The following SPOCK3 variants were observed in gnomAD, a reference collection of about 807,000 sequenced individuals.
The protein encoded by SPOCK3 is testican-3.
In SPOCK3, 30 loss-of-function variants were observed where a neutral mutation model predicts 56.6. That is an observed-to-expected ratio of 0.53 (90% CI 0.40 to 0.72). The LOEUF is 0.72. Ranked by LOEUF, SPOCK3 falls within the 30% of genes least tolerant of loss-of-function variation. The pLI is 0.00. For synonymous variants in SPOCK3, 196 were observed against 183.3 expected (o/e 1.07, Z -0.56); for missense variants, 527 against 530.0 (o/e 0.99, Z 0.06).
At chr4:167,053,479 G>C (rs765807829) in intron 3 of SPOCK3, among the ~76,000 whole-genome samples, 27 of 152,048 alleles carry the variant, frequency 1.8e-4, no homozygotes, top group Non-Finnish European at 3.5e-4. Flanking sequence ...GAGTTCAAGA[G>C]TTCGAGACCA....
At chr4:166,941,383 G>T (rs544312504) in intron 4 of SPOCK3, among the ~76,000 whole-genome samples, 2 of 152,198 alleles carry the variant, frequency 1.3e-5, no homozygotes, top group Non-Finnish European at 2.9e-5. Context: ...CATTAGAAGA[G>T]AGTTTATCTC....
chr4:167,170,549 TA>T (rs1187991896), intron 2 of SPOCK3, among the ~76,000 whole-genome samples: 1 of 152,148 alleles, frequency 6.6e-6, no homozygotes, highest in East Asian at 1.9e-4. Context: ...GACAATTCTC[TA>T]ATCATTCCAG....
chr4:167,146,055 T>G (rs896758840), intron 2 of SPOCK3, among the ~76,000 whole-genome samples: 2 of 152,052 alleles, frequency 1.3e-5, no homozygotes, highest in African/African-American at 4.8e-5. Flanking sequence ...TGTGCTTTAT[T>G]CAGGAGACCC....
chr4:166,803,958 A>T (rs1484326339), intron 6 of SPOCK3, among the ~76,000 whole-genome samples: 2 of 152,140 alleles, frequency 1.3e-5, no homozygotes, highest in African/African-American at 4.8e-5. Flanking sequence ...CTATATTCTC[A>T]AAGAAACCAC....
intron 6 of SPOCK3, among the ~76,000 whole-genome samples, chr4:166,800,305 A>T (rs1002535356): frequency 2.0e-5 from 3 of 152,020 alleles, no homozygotes; most frequent in African/African-American, 7.2e-5. Context: ...TTAAAAAAAG[A>T]AATAAACCAA....
chr4:166,923,861 AT>A (rs1260161738), intron 4 of SPOCK3, among the ~76,000 whole-genome samples: 2 of 152,242 alleles, frequency 1.3e-5, no homozygotes, highest in Non-Finnish European at 2.9e-5. Flanking sequence ...GTAGAAAAAA[AT>A]AGACCCCATT....
intron 6 of SPOCK3, among the ~76,000 whole-genome samples, chr4:166,815,351 A>C (rs1477716110): frequency 6.6e-6 from 1 of 152,130 alleles, no homozygotes; most frequent in East Asian, 1.9e-4. Context: ...AATGTAGCTT[A>C]AATACTGACC....
intron 5 of SPOCK3, among the ~76,000 whole-genome samples, chr4:166,897,647 C>T (rs530611931): frequency 2.0e-5 from 3 of 152,160 alleles, no homozygotes; most frequent in South Asian, 2.1e-4. Context: ...TGTCTCTGGC[C>T]CAGGGTATCA....
At chr4:167,103,420 T>G (rs2150329410) in intron 2 of SPOCK3, among the ~76,000 whole-genome samples, 1 of 152,246 alleles carries the variant, frequency 6.6e-6, no homozygotes, top group African/African-American at 2.4e-5. Flanking sequence ...ATAAGCTCGC[T>G]GATGAGCCTT....
chr4:167,067,743 AAC>A (rs1756297459), intron 2 of SPOCK3, among the ~76,000 whole-genome samples: 1 of 151,804 alleles, frequency 6.6e-6, no homozygotes, highest in Admixed American at 6.6e-5. Flanking sequence ...TATTAAAATG[AAC>A]ATCTTAGCAA....
At chr4:167,035,828 T>A (rs531666180) in intron 3 of SPOCK3, among the ~76,000 whole-genome samples, 1 of 152,232 alleles carries the variant, frequency 6.6e-6, no homozygotes, top group Non-Finnish European at 1.5e-5. Flanking sequence ...TGCTAACTTA[T>A]GTGCCTACTA....
intron 2 of SPOCK3, among the ~76,000 whole-genome samples, chr4:167,096,834 A>T (rs921561025): frequency 6.6e-6 from 1 of 151,864 alleles, no homozygotes; most frequent in Non-Finnish European, 1.5e-5. Flanking sequence ...TGCTTGATAT[A>T]TCAATTACTG....
chr4:167,223,324 G>T (rs1736253407), intron 2 of SPOCK3, among the ~76,000 whole-genome samples: 1 of 142,916 alleles, frequency 7.0e-6, no homozygotes, highest in Non-Finnish European at 1.5e-5. Flanking sequence ...TCATATATAA[G>T]CATATATATT....
At chr4:166,881,583 T>A (rs964832899) in intron 6 of SPOCK3, among the ~76,000 whole-genome samples, 1 of 152,096 alleles carries the variant, frequency 6.6e-6, no homozygotes, top group Non-Finnish European at 1.5e-5. Context: ...CTTTGAGAAT[T>A]TTTTCCTATT....
In SPOCK3 at chr4:166,997,466, A is replaced by T. The variant is rs1330530483; in HGVS notation, c.350+2883T>A. On this transcript the variant is annotated intron_variant, in intron 4 of 10. Coordinates refer to ENST00000357545, the MANE Select transcript of SPOCK3 (RefSeq NM_001040159.2). Reference sequence around the variant, plus strand: ...AGCAAATATACGCAAAGCACTAAGAAAATAATGTTTAAACCTAGATTATCT... The same window carrying T: ...AGCAAATATACGCAAAGCACTAAGATAATAATGTTTAAACCTAGATTATCT... 3.3e-5 allele frequency among the ~76,000 whole-genome samples: 5 copies of T among 152,174 alleles called. No homozygotes were observed. In the East Asian group the frequency reaches 9.6e-4, roughly 29 times the overall value.
intron 5 of SPOCK3, among the ~76,000 whole-genome samples, chr4:166,902,212 C>T (rs1420760823): frequency 1.3e-5 from 2 of 152,100 alleles, no homozygotes; most frequent in South Asian, 2.1e-4. Flanking sequence ...ATTAATCTTG[C>T]TGAGATGCTT....
At chr4:167,125,005 TA>T in intron 2 of SPOCK3, among the ~76,000 whole-genome samples, 1 of 152,306 alleles carries the variant, frequency 6.6e-6, no homozygotes, top group East Asian at 1.9e-4. Flanking sequence ...CTAAAGTCAC[TA>T]TCTTAGTGAA....
intron 7 of SPOCK3, among the ~76,000 whole-genome samples, chr4:166,788,193 A>G (rs1740945075): frequency 6.6e-6 from 1 of 151,970 alleles, no homozygotes; most frequent in South Asian, 2.1e-4. Flanking sequence ...AAAACAAACA[A>G]ACAAACAAAC....
chr4:167,233,947 C>A, intron 2 of SPOCK3, 38 bp downstream of exon 2: 1 of 1,580,834 alleles, frequency 6.3e-7, no homozygotes, highest in Non-Finnish European at 8.7e-7. Context: ...CGGAGCAGCG[C>A]GCGCGTGTGC....
Sources: allele counts gnomAD v4.1 joint callset (sites outside exome capture counted in the v4.1 genomes callset), GRCh38; gene constraint gnomAD v4.1.1; transcripts MANE v1.5; gene names NCBI Gene and HGNC (gene_info 2026-07-23, HGNC 2026-07-21).